EYS: variants seen among roughly 807,000 people sequenced by gnomAD.
EYS encodes the protein protein eyes shut homolog.
A neutral mutation model predicts 282.1 loss-of-function variants in EYS; 250 were observed. The observed-to-expected ratio is 0.89, with a 90% CI of 0.80 to 0.98. The LOEUF (loss-of-function observed/expected upper bound fraction) is 0.98. EYS is among the 50% of genes least tolerant of loss of function. The pLI is 0.00. For missense variants in EYS, 4,016 were observed against 3,709.0 expected (o/e 1.08, Z -2.15); for synonymous variants, 1,355 against 1,282.9 (o/e 1.06, Z -1.20).
At chr6:64,989,689 CTT>C (rs1770994481) in intron 14 of EYS, among the ~76,000 whole-genome samples, 1 of 141,404 alleles carries the variant, frequency 7.1e-6, no homozygotes, top group Non-Finnish European at 1.5e-5. Flanking sequence ...AATTTTATAT[CTT>C]ACATATTTCT....
chr6:65,196,101 C>T (rs995771208), intron 12 of EYS, among the ~76,000 whole-genome samples: 4 of 151,930 alleles, frequency 2.6e-5, no homozygotes, highest in African/African-American at 9.7e-5. Context: ...CAAGTTATCC[C>T]ATTTATATTT....
At chr6:65,532,319 C>T (rs534296502) in intron 2 of EYS, among the ~76,000 whole-genome samples, 1 of 152,186 alleles carries the variant, frequency 6.6e-6, no homozygotes, top group South Asian at 2.1e-4. Flanking sequence ...TCTATTCAAT[C>T]TGAATGATCT....
At chr6:64,545,761 C>T (rs9451962) in intron 26 of EYS, among the ~76,000 whole-genome samples, 2 of 152,126 alleles carry the variant, frequency 1.3e-5, no homozygotes, top group South Asian at 2.1e-4. Context: ...TGAGTGAACT[C>T]CCATTCACAA....
intron 22 of EYS, among the ~76,000 whole-genome samples, chr6:64,785,701 C>T (rs552300563): frequency 1.7e-4 from 26 of 152,114 alleles, no homozygotes; most frequent in Non-Finnish European, 3.2e-4. Context: ...ATAGCCAAAA[C>T]CAAGCTTATT....
At chr6:63,841,658 G>A (rs986641703) in intron 36 of EYS, among the ~76,000 whole-genome samples, 1 of 151,966 alleles carries the variant, frequency 6.6e-6, no homozygotes, top group African/African-American at 2.4e-5. Context: ...TGTGCAGAAC[G>A]TGCAGGCTTG....
intron 40 of EYS, among the ~76,000 whole-genome samples, chr6:63,764,670 T>C (rs933134890): frequency 7.9e-5 from 12 of 151,968 alleles, no homozygotes; most frequent in African/African-American, 2.9e-4. Context: ...AGCATAGTGT[T>C]ATGGGAATAA....
At chr6:65,049,135 AT>A (rs564718408) in intron 13 of EYS, among the ~76,000 whole-genome samples, 146 of 152,050 alleles carry the variant, frequency 9.6e-4, no homozygotes, top group Non-Finnish European at 1.8e-3. Context: ...GAAGAAAAAA[AT>A]CAAATTCTAC....
At chr6:65,619,994 A>G (rs1766405526) in intron 2 of EYS, among the ~76,000 whole-genome samples, 1 of 151,912 alleles carries the variant, frequency 6.6e-6, no homozygotes, top group Non-Finnish European at 1.5e-5. Context: ...ATGTTCATCA[A>G]GGATATTGGT....
chr6:64,164,387 A>G (rs1450928106), intron 31 of EYS, among the ~76,000 whole-genome samples: 1 of 152,136 alleles, frequency 6.6e-6, no homozygotes, highest in East Asian at 1.9e-4. Flanking sequence ...GACCCCTAAC[A>G]TCCCTCTAAA....
At chr6:64,984,697 T>C (rs1184153185) in intron 14 of EYS, among the ~76,000 whole-genome samples, 1 of 151,370 alleles carries the variant, frequency 6.6e-6, no homozygotes, top group Non-Finnish European at 1.5e-5. Flanking sequence ...TAATATGTCC[T>C]ACCCAATAAA....
chr6:63,952,181 G>T (rs1182995770), intron 35 of EYS, among the ~76,000 whole-genome samples: 1 of 152,256 alleles, frequency 6.6e-6, no homozygotes, highest in East Asian at 1.9e-4. Flanking sequence ...CTTGCTTCAA[G>T]TGCCAGAAAT....
chr6:64,373,358 C>T (rs180803140), intron 29 of EYS, among the ~76,000 whole-genome samples: 21 of 152,278 alleles, frequency 1.4e-4, no homozygotes, highest in Admixed American at 8.5e-4. Context: ...TGTCTCCATG[C>T]CCACATTTCT....
chr6:64,548,376 A>C (rs111728404), intron 26 of EYS, among the ~76,000 whole-genome samples: 7,796 of 152,200 alleles, frequency 0.051, 458 homozygotes, highest in African/African-American at 0.13. Context: ...GACACATGAA[A>C]ACGTATGTTT....
intron 29 of EYS, among the ~76,000 whole-genome samples, chr6:64,312,366 G>T (rs1769750063): frequency 6.6e-6 from 1 of 152,090 alleles, no homozygotes. Flanking sequence ...CTGAACAAAT[G>T]GTATCAGCCC....
chr6:63,724,264 CTCA>C (rs1159486175), intron 42 of EYS, among the ~76,000 whole-genome samples: 1 of 152,102 alleles, frequency 6.6e-6, no homozygotes, highest in Non-Finnish European at 1.5e-5. Context: ...TTGTTTCTAC[CTCA>C]TCATCTGCTA....
rs375214069 is a variant in EYS at position 64,594,946 on chromosome 6, T to G, written c.3685-1637A>C. Among the ~76,000 whole-genome samples the G allele has an allele frequency of 3.4e-4, 52 of 152,164 alleles. No homozygotes were observed. The East Asian group carries it at 7.7e-3, about 23-fold the overall frequency. On this transcript the variant is annotated intron_variant, in intron 24 of 42. Transcript: ENST00000503581. ...GAGGAGGAAATTCTTCCTTACTCAT[T>G]CTATGAGGCCAGCATTACCCTGACA...
chr6:65,428,058 A>AT (rs1367052930), intron 5 of EYS, among the ~76,000 whole-genome samples: 2 of 151,950 alleles, frequency 1.3e-5, no homozygotes, highest in Non-Finnish European at 2.9e-5. Flanking sequence ...CTTAGCAAAT[A>AT]TTTTTTTAAT....
intron 1 of EYS, among the ~76,000 whole-genome samples, chr6:65,678,944 A>G (rs1274315090): frequency 6.6e-6 from 1 of 151,896 alleles, no homozygotes; most frequent in African/African-American, 2.4e-5. Context: ...GGCCGACATC[A>G]AAACAAAACA....
At chr6:64,975,513 G>A (rs892129938) in intron 14 of EYS, among the ~76,000 whole-genome samples, 35 of 151,558 alleles carry the variant, frequency 2.3e-4, no homozygotes, top group African/African-American at 8.0e-4. Flanking sequence ...TCTCCAATAC[G>A]TGTCATATTC....
Sources: gnomAD v4.1 joint callset for allele counts (sites outside exome capture counted in the v4.1 genomes callset) on GRCh38, gnomAD v4.1.1 for gene constraint, MANE v1.5 for transcripts, NCBI Gene and HGNC (gene_info 2026-07-23, HGNC 2026-07-21) for gene names.